NAALADL2: variants seen among roughly 807,000 people sequenced by gnomAD.
The protein encoded by NAALADL2 is N-acetylated alpha-linked acidic dipeptidase like 2, also known as inactive N-acetylated-alpha-linked acidic dipeptidase-like protein 2.
In NAALADL2, 76 loss-of-function variants were observed where a neutral mutation model predicts 87.2. The observed-to-expected ratio is 0.87, with a 90% CI of 0.72 to 1.05. The LOEUF (loss-of-function observed/expected upper bound fraction) is 1.05, where lower values mean the gene tolerates loss of function less well. NAALADL2 is among the 50% of genes least tolerant of loss of function. The pLI is 0.00. For missense variants in NAALADL2, 1,089 were observed against 945.8 expected, an observed-to-expected ratio of 1.15 and a Z score of -1.99; for synonymous variants, 354 against 331.0, an observed-to-expected ratio of 1.07 and a Z score of -0.75.
At chr3:175,368,945 A>G (rs1441529857) in intron 5 of NAALADL2, among the ~76,000 whole-genome samples, 1 of 152,116 alleles carries the variant, frequency 6.6e-6, no homozygotes, top group Non-Finnish European at 1.5e-5. Flanking sequence ...TTTTCATGGA[A>G]CTTGTGGGAG....
intron 4 of NAALADL2, among the ~76,000 whole-genome samples, chr3:175,295,675 A>G (rs1470177176): frequency 6.7e-6 from 1 of 150,356 alleles, no homozygotes; most frequent in Admixed American, 6.7e-5. Context: ...CAATCTGACA[A>G]TCATACTTCC....
At chr3:175,472,195 T>A in intron 9 of NAALADL2, among the ~76,000 whole-genome samples, 1 of 151,418 alleles carries the variant, frequency 6.6e-6, no homozygotes, top group African/African-American at 2.4e-5. Flanking sequence ...AAGAATATAG[T>A]GATAACTAAA....
chr3:175,073,930 C>T (rs1330246950), intron 1 of NAALADL2, among the ~76,000 whole-genome samples: 1 of 152,060 alleles, frequency 6.6e-6, no homozygotes, highest in Non-Finnish European at 1.5e-5. Context: ...ATTTGCACCC[C>T]ATTTCCTATG....
chr3:175,558,194 C>CAAAAAAAAAA (rs71164638), intron 9 of NAALADL2, among the ~76,000 whole-genome samples: 6 of 82,392 alleles, frequency 7.3e-5, no homozygotes, highest in East Asian at 4.3e-4. Flanking sequence ...GACCCCGTCT[C>CAAAAAAAAAA]AAAAAAAAAA....
At chr3:174,696,411 A>G (rs1439048606) in intron 2 of NAALADL2, among the ~76,000 whole-genome samples, 2 of 151,956 alleles carry the variant, frequency 1.3e-5, no homozygotes, top group East Asian at 3.9e-4. Context: ...TATGAGTGCT[A>G]GACTTATGTG....
At chr3:174,635,684 G>T (rs58930255) in intron 2 of NAALADL2, among the ~76,000 whole-genome samples, 12 of 151,936 alleles carry the variant, frequency 7.9e-5, no homozygotes, top group Non-Finnish European at 1.3e-4. Flanking sequence ...TGTATTTTTA[G>T]TAGAGACGGG....
At chr3:175,409,041 A>G (rs1712955359) in intron 5 of NAALADL2, among the ~76,000 whole-genome samples, 2 of 151,940 alleles carry the variant, frequency 1.3e-5, no homozygotes, top group African/African-American at 4.8e-5. Context: ...TTTATATTAC[A>G]TTTCCTACTT....
chr3:175,079,146 A>G (rs1717234832), intron 1 of NAALADL2, among the ~76,000 whole-genome samples: 5 of 151,960 alleles, frequency 3.3e-5, no homozygotes, highest in Admixed American at 3.3e-4. Flanking sequence ...TTGGTTTTTT[A>G]TTGTGGTTTT....
chr3:174,988,939 CTG>C lies in NAALADL2; in HGVS notation c.44-107848_44-107847del, dbSNP rs564105433. ...TTTATTTGGCTCATGGTTCTGCAGA[CTG>C]TGCAAAAAGCATGGCACTTGCATCT... On this transcript the variant is annotated intron_variant, in intron 1 of 13. Transcript: ENST00000454872. 1.8e-4 allele frequency among the ~76,000 whole-genome samples: 27 copies of C among 152,292 alleles called. No individual in the cohort carries two copies. In the East Asian group the frequency reaches 4.8e-3, roughly 27 times the overall value.
intron 1 of NAALADL2, among the ~76,000 whole-genome samples, chr3:174,989,247 G>A (rs1331324880): frequency 6.6e-6 from 1 of 152,044 alleles, no homozygotes; most frequent in Non-Finnish European, 1.5e-5. Flanking sequence ...ATGAGATTTG[G>A]GACACAAACA....
At chr3:175,501,272 A>G (rs1175444782) in intron 9 of NAALADL2, among the ~76,000 whole-genome samples, 3 of 152,084 alleles carry the variant, frequency 2.0e-5, no homozygotes, top group Admixed American at 6.6e-5. Context: ...GTCTCTTGCT[A>G]TTTCTCAGAA....
chr3:174,572,239 T>G (rs1442730539), intron 2 of NAALADL2, among the ~76,000 whole-genome samples: 2 of 152,090 alleles, frequency 1.3e-5, no homozygotes, highest in Non-Finnish European at 2.9e-5. Flanking sequence ...AAGTGATCAC[T>G]TCAGTTTCCC....
chr3:174,755,368 T>C (rs1711904869), intron 3 of NAALADL2, among the ~76,000 whole-genome samples: 1 of 152,202 alleles, frequency 6.6e-6, no homozygotes, highest in Non-Finnish European at 1.5e-5. Flanking sequence ...ACAATACTCT[T>C]AAGCATTGAA....
chr3:175,481,577 T>C (rs1192453313), intron 9 of NAALADL2, among the ~76,000 whole-genome samples: 1 of 151,888 alleles, frequency 6.6e-6, no homozygotes, highest in Non-Finnish European at 1.5e-5. Context: ...TCAGTCATAT[T>C]ACTCAACAGT....
chr3:175,794,178 G>A (rs1421229520), intron 13 of NAALADL2, among the ~76,000 whole-genome samples: 8 of 152,104 alleles, frequency 5.3e-5, no homozygotes, highest in African/African-American at 4.8e-5. Flanking sequence ...AAAGCCTGTA[G>A]GGTATTCAAA....
intron 2 of NAALADL2, among the ~76,000 whole-genome samples, chr3:174,611,526 A>C (rs1461519736): frequency 6.6e-6 from 1 of 152,096 alleles, no homozygotes; most frequent in African/African-American, 2.4e-5. Flanking sequence ...CAGTGTTACA[A>C]TAATCTGGTT....
At chr3:175,634,662 G>A (rs1479474408) in intron 11 of NAALADL2, among the ~76,000 whole-genome samples, 1 of 151,890 alleles carries the variant, frequency 6.6e-6, no homozygotes, top group Non-Finnish European at 1.5e-5. Context: ...TCATCTGAAT[G>A]AGCAAATCTG....
At chr3:174,742,174 A>G (rs1733827648) in intron 3 of NAALADL2, among the ~76,000 whole-genome samples, 1 of 151,684 alleles carries the variant, frequency 6.6e-6, no homozygotes, top group African/African-American at 2.4e-5. Flanking sequence ...TTCAAGGACC[A>G]TTTAATAAAA....
chr3:175,472,729 A>G (rs61638788), intron 9 of NAALADL2, among the ~76,000 whole-genome samples: 1,709 of 152,298 alleles, frequency 0.011, 34 homozygotes, highest in African/African-American at 0.04. Flanking sequence ...GTAGTACAAT[A>G]AAGAAGACAT....
Sources: allele counts gnomAD v4.1 joint callset (sites outside exome capture counted in the v4.1 genomes callset), GRCh38; gene constraint gnomAD v4.1.1; transcripts MANE v1.5; gene names NCBI Gene and HGNC (gene_info 2026-07-23, HGNC 2026-07-21).